Variants in LAMP3 observed in about 807,000 individuals in gnomAD.
The protein encoded by LAMP3 is lysosome-associated membrane glycoprotein 3.
A neutral mutation model predicts 34.8 loss-of-function variants in LAMP3; 26 were observed. The observed-to-expected ratio is 0.75, with a 90% CI of 0.55 to 1.04. LAMP3 has a LOEUF of 1.04. Among genes scored for constraint, LAMP3 ranks in the 50% least tolerant of loss-of-function variants. LAMP3 has a pLI of 0.00. For synonymous variants in LAMP3, 180 were observed against 201.9 expected (o/e 0.89, Z 0.92); for missense variants, 495 against 524.0 (o/e 0.94, Z 0.54).
upstream of LAMP3, chr3:183,163,721 G>A (rs1721053139): frequency 6.6e-6 from 1 of 152,306 alleles, no homozygotes; most frequent in African/African-American, 2.4e-5. Context: ...TGTCTTCCCA[G>A]GGAGTCTGCG....
chr3:183,153,477 C>G (rs1720720367), intron 2 of LAMP3, among the ~76,000 whole-genome samples: 1 of 152,214 alleles, frequency 6.6e-6, no homozygotes, highest in Admixed American at 6.5e-5. Context: ...TTGCCTTCCT[C>G]TCTCCAAACA....
chr3:183,139,385 C>T (rs554411894), intron 4 of LAMP3, among the ~76,000 whole-genome samples: 1 of 138,630 alleles, frequency 7.2e-6, no homozygotes, highest in South Asian at 2.3e-4. Flanking sequence ...GCGAGACTGT[C>T]TCAAAAAAAA....
At chr3:183,124,317 T>C in intron 5 of LAMP3, 103 bp from the exon 6 acceptor site, 4 of 1,078,812 alleles carry the variant, frequency 3.7e-6, no homozygotes, top group Non-Finnish European at 3.8e-6. Flanking sequence ...CAAACAAAGC[T>C]TGACTTTTAA....
chr3:183,129,641 T>C (rs1302731068), intron 5 of LAMP3, among the ~76,000 whole-genome samples: 1 of 152,252 alleles, frequency 6.6e-6, no homozygotes, highest in Non-Finnish European at 1.5e-5. Flanking sequence ...ATCTTATCTT[T>C]AAACTCTGAT....
intron 1 of LAMP3, among the ~76,000 whole-genome samples, chr3:183,161,601 CTAG>C (rs1008397950): frequency 2.0e-5 from 3 of 151,898 alleles, no homozygotes; most frequent in Non-Finnish European, 2.9e-5. Flanking sequence ...GGTGGCCAGG[CTAG>C]TCTCGAACTC....
chr3:183,124,276 G>C (rs1374939890), intron 5 of LAMP3, 62 bp from the exon 6 acceptor site: 3 of 1,394,144 alleles, frequency 2.2e-6, no homozygotes, highest in Non-Finnish European at 1.9e-6. Context: ...CAGAAAGCAG[G>C]CTAGAGGGGA....
chr3:183,161,536 G>A (rs563375328), intron 1 of LAMP3, among the ~76,000 whole-genome samples: 33 of 151,992 alleles, frequency 2.2e-4, no homozygotes, highest in South Asian at 8.3e-4. Context: ...GATTACAGGC[G>A]CCCACAACCA....
At position 183,162,624 on chromosome 3, in the gene LAMP3, A is replaced by AGCGCGGC. The variant is rs1721012460; in HGVS notation, c.25_31dup (p.Leu11ArgfsTer49). ...CCACTCACCGGCCAGGGACGCGAAG[A>AGCGCGGC]GCGCGGCCGCCGCGCTGAGCTGCCG... On this transcript the variant is annotated frameshift_variant, in exon 1 of 6. Coordinates refer to ENST00000265598, the MANE Select transcript of LAMP3 (RefSeq NM_014398.4). LOFTEE classifies it high-confidence loss of function. The AGCGCGGC allele has an allele frequency of 6.5e-7, 1 of 1,544,726 alleles. No individual in the cohort carries two copies. The highest frequency in any genetic ancestry group is 1.4e-5 in the African/African-American group (1 of 72,720).
chr3:183,150,565 C>CTTTTTTTTTTTTTT (rs10665288), intron 3 of LAMP3, among the ~76,000 whole-genome samples: 35 of 86,094 alleles, frequency 4.1e-4, no homozygotes, highest in African/African-American at 1.4e-3. Context: ...GCCAAAGTGA[C>CTTTTTTTTTTTTTT]TTTTTTTTTT....
rs75954137 is a variant in LAMP3 at position 183,159,527 on chromosome 3, G to A, written c.49+3080C>T. ...ATTGGAGCCCCACGGCCATGTCCAGGTTCAGGGAATCACAGTTTAGCCCCC... is the reference window on the plus strand; with the variant it reads ...ATTGGAGCCCCACGGCCATGTCCAGATTCAGGGAATCACAGTTTAGCCCCC... On this transcript the variant is annotated intron_variant, in intron 1 of 5. Transcript: ENST00000265598. 2.8e-3 allele frequency among the ~76,000 whole-genome samples: 427 copies of A among 152,336 alleles called. 7 individuals carry two copies. In the East Asian group the frequency reaches 0.035, roughly 12 times the overall value.
intron 3 of LAMP3, among the ~76,000 whole-genome samples, chr3:183,149,708 A>G (rs1720571918): frequency 6.6e-6 from 1 of 151,300 alleles, no homozygotes; most frequent in Non-Finnish European, 1.5e-5. Flanking sequence ...ATTTTAAAAT[A>G]ACTGAGAGTA....
At chr3:183,133,180 C>T (rs1341783310) in intron 5 of LAMP3, among the ~76,000 whole-genome samples, 1 of 152,170 alleles carries the variant, frequency 6.6e-6, no homozygotes, top group Non-Finnish European at 1.5e-5. Context: ...ATTGCAGATG[C>T]CCAGACACAT....
At position 183,153,960 on chromosome 3, in the gene LAMP3, GA is replaced by G; in HGVS notation, c.480del (p.Gln161AsnfsTer14). 6.2e-7 allele frequency: 1 copy of G among 1,614,210 alleles called. No homozygotes were observed. The highest frequency in any genetic ancestry group is 8.5e-7 in the Non-Finnish European group (1 of 1,180,040). ...STVSHTTGNT[T>X]QPSNQTTLPA... ...GGAAGGGTGGTCTGGTTACTGGGTT[GA>G]GTGGTGTTCCCAGTTGTGTGGCTGA... On this transcript the variant is annotated frameshift_variant, in exon 2 of 6. Coordinates refer to ENST00000265598, the MANE Select transcript of LAMP3 (RefSeq NM_014398.4). LOFTEE classifies it high-confidence loss of function.
chr3:183,137,658 G>T (rs1027863753), intron 4 of LAMP3, among the ~76,000 whole-genome samples: 3 of 152,090 alleles, frequency 2.0e-5, no homozygotes, highest in Admixed American at 6.6e-5. Flanking sequence ...TGTCACTACC[G>T]TAATTACAAC....
chr3:183,140,730 T>C (rs1576877454), intron 3 of LAMP3, 135 bp from the exon 4 acceptor site: 2 of 555,602 alleles, frequency 3.6e-6, no homozygotes, highest in Non-Finnish European at 6.5e-6. Flanking sequence ...TACTGGGTCA[T>C]AATTGTGTAT....
chr3:183,152,255 C>A, intron 3 of LAMP3, 120 bp downstream of exon 3: 3 of 1,113,282 alleles, frequency 2.7e-6, no homozygotes, highest in South Asian at 1.7e-5. Flanking sequence ...ATCCCCAAAC[C>A]CCTCATTCTT....
intron 1 of LAMP3, among the ~76,000 whole-genome samples, chr3:183,160,335 C>T (rs17803349): frequency 0.074 from 11,196 of 152,254 alleles, 464 homozygotes; most frequent in Middle Eastern, 0.13. Context: ...TTTCTTGAGC[C>T]TATGCATGCA....
chr3:183,161,630 C>T (rs1434665267), intron 1 of LAMP3, among the ~76,000 whole-genome samples: 2 of 152,122 alleles, frequency 1.3e-5, no homozygotes, highest in East Asian at 1.9e-4. Context: ...CTCAAGTGAT[C>T]CGCCGGCCTC....
chr3:183,143,278 T>A (rs960060597), intron 3 of LAMP3, among the ~76,000 whole-genome samples: 8 of 151,484 alleles, frequency 5.3e-5, no homozygotes, highest in East Asian at 1.9e-4. Flanking sequence ...CCAGCTAATT[T>A]AAAAAAAATT....
Sources: gnomAD v4.1 joint callset for allele counts (sites outside exome capture counted in the v4.1 genomes callset) on GRCh38, gnomAD v4.1.1 for gene constraint, MANE v1.5 for transcripts, NCBI Gene and HGNC (gene_info 2026-07-23, HGNC 2026-07-21) for gene names.